Variants in SAMSN1 observed in about 807,000 individuals in gnomAD.
SAMSN1 encodes the protein SAM domain, SH3 domain and nuclear localization signals 1.
In SAMSN1, 31 loss-of-function variants were observed where a neutral mutation model predicts 42.0. The ratio of observed to expected loss-of-function variants is 0.74; its 90% CI spans 0.55 to 1.00. The LOEUF (loss-of-function observed/expected upper bound fraction) is 1.00, where lower values mean the gene tolerates loss of function less well. SAMSN1 is among the 50% of genes least tolerant of loss of function. SAMSN1 has a pLI of 0.00. For missense variants in SAMSN1, 464 were observed against 439.4 expected (o/e 1.06, Z -0.50); for synonymous variants, 178 against 151.9 (o/e 1.17, Z -1.26).
At chr21:14,620,091 G>A (rs774537302) in intron 2 of SAMSN1, among the ~76,000 whole-genome samples, 6 of 152,060 alleles carry the variant, frequency 3.9e-5, no homozygotes, top group East Asian at 1.9e-4. Context: ...TGGAAATTTC[G>A]GTTTCTATGG....
chr21:14,562,628 A>G (rs1197273978), intron 2 of SAMSN1, among the ~76,000 whole-genome samples: 1 of 151,746 alleles, frequency 6.6e-6, no homozygotes, highest in Non-Finnish European at 1.5e-5. Flanking sequence ...ATTCAGTTGA[A>G]AACTCATCAC....
At chr21:14,543,875 A>G (rs954201564) in intron 1 of SAMSN1, among the ~76,000 whole-genome samples, 1 of 152,208 alleles carries the variant, frequency 6.6e-6, no homozygotes, top group Admixed American at 6.5e-5. Context: ...AATATCTGGT[A>G]TGTAGTTAAT....
chr21:14,624,695 G>A (rs1205424682), intron 2 of SAMSN1, among the ~76,000 whole-genome samples: 2 of 152,096 alleles, frequency 1.3e-5, no homozygotes, highest in African/African-American at 4.8e-5. Context: ...TACTAACAGA[G>A]GTAAAAGGAG....
At chr21:14,608,068 ACCCTCAGTAATCAT>A (rs1056689453) in intron 5 of SAMSN1, among the ~76,000 whole-genome samples, 9 of 152,174 alleles carry the variant, frequency 5.9e-5, no homozygotes, top group African/African-American at 2.2e-4. Context: ...GCTGAATAGA[ACCCTCAGTAATCAT>A]CCCTCTCACA....
intron 2 of SAMSN1, among the ~76,000 whole-genome samples, chr21:14,562,291 G>A (rs1568809395): frequency 6.6e-6 from 1 of 152,150 alleles, no homozygotes; most frequent in Non-Finnish European, 1.5e-5. Flanking sequence ...TCTAAAGCTT[G>A]TTGATCACTA....
chr21:14,632,095 G>A (rs1262586959), intron 2 of SAMSN1, among the ~76,000 whole-genome samples: 2 of 152,200 alleles, frequency 1.3e-5, no homozygotes, highest in Non-Finnish European at 2.9e-5. Context: ...GAAACAGCAA[G>A]GTGTGTGCAT....
intron 2 of SAMSN1, among the ~76,000 whole-genome samples, chr21:14,563,983 T>C (rs907766397): frequency 2.0e-5 from 3 of 152,162 alleles, no homozygotes; most frequent in African/African-American, 4.8e-5. Flanking sequence ...AAGTTGGGTA[T>C]ACACACCTAC....
intron 2 of SAMSN1, among the ~76,000 whole-genome samples, chr21:14,577,736 A>C (rs1170832869): frequency 6.6e-6 from 1 of 152,192 alleles, no homozygotes; most frequent in Non-Finnish European, 1.5e-5. Context: ...CTTAAGATGC[A>C]GCTGAAATCC....
chr21:14,631,708 A>G (rs565979523), intron 2 of SAMSN1, among the ~76,000 whole-genome samples: 1 of 152,122 alleles, frequency 6.6e-6, no homozygotes, highest in South Asian at 2.1e-4. Context: ...CCTCCCCCCA[A>G]TTTTGTGCTT....
At chr21:14,571,133 T>C (rs2123219067) in intron 2 of SAMSN1, among the ~76,000 whole-genome samples, 1 of 152,350 alleles carries the variant, frequency 6.6e-6, no homozygotes, top group Non-Finnish European at 1.5e-5. Context: ...TCATAGCTCT[T>C]ATCAAAGCTG....
At chr21:14,619,365 A>G (rs1982940493) in intron 2 of SAMSN1, among the ~76,000 whole-genome samples, 2 of 152,204 alleles carry the variant, frequency 1.3e-5, no homozygotes, top group Non-Finnish European at 2.9e-5. Context: ...GCAATTGATG[A>G]TGTAAATCCC....
chr21:14,656,479 A>G (rs1353066008), intron 1 of SAMSN1, among the ~76,000 whole-genome samples: 1 of 151,808 alleles, frequency 6.6e-6, no homozygotes, highest in African/African-American at 2.4e-5. Context: ...AAGACATGTT[A>G]AATGCAATAA....
At chr21:14,587,152 T>C (rs463397), upstream of SAMSN1, among the ~76,000 whole-genome samples, 129,294 of 152,200 alleles carry the variant, frequency 0.85, 55,258 homozygotes, top group African/African-American at 0.91. Flanking sequence ...AGCATTCAAA[T>C]GTGCTTCATG....
intron 2 of SAMSN1, among the ~76,000 whole-genome samples, chr21:14,624,977 A>G (rs556392578): frequency 1.2e-4 from 18 of 152,168 alleles, no homozygotes; most frequent in African/African-American, 3.9e-4. Flanking sequence ...TTCAACATAC[A>G]TGAGTCAATA....
At chr21:14,610,243 A>G (rs1460138144) in intron 4 of SAMSN1, among the ~76,000 whole-genome samples, 1 of 152,200 alleles carries the variant, frequency 6.6e-6, no homozygotes, top group African/African-American at 2.4e-5. Flanking sequence ...GCCCTGGGAA[A>G]AGAACGCATT....
chr21:14,528,955 T>C (rs752599765), intron 1 of SAMSN1, among the ~76,000 whole-genome samples: 6 of 152,222 alleles, frequency 3.9e-5, no homozygotes, highest in Non-Finnish European at 8.8e-5. Context: ...ACTTCTCCAA[T>C]TCACAGATGA....
intron 7 of SAMSN1, among the ~76,000 whole-genome samples, 180 bp from the exon 8 acceptor site, chr21:14,486,294 A>G (rs1986435108): frequency 6.6e-6 from 1 of 152,208 alleles, no homozygotes; most frequent in Non-Finnish European, 1.5e-5. Flanking sequence ...GCACCCAAAT[A>G]TTCAAGCTAC....
At chr21:14,535,583 ACTGTATTTGGATATAAAG>A (rs1979554367) in intron 1 of SAMSN1, among the ~76,000 whole-genome samples, 1 of 152,166 alleles carries the variant, frequency 6.6e-6, no homozygotes, top group Admixed American at 6.5e-5. Context: ...TCAGACCATG[ACTGTATTTGGATATAAAG>A]CCTTTAAAGA....
chr21:14,622,740 C>A (rs574648185), intron 2 of SAMSN1, among the ~76,000 whole-genome samples: 9 of 152,202 alleles, frequency 5.9e-5, no homozygotes, highest in African/African-American at 2.2e-4. Flanking sequence ...GCAAGGCAGG[C>A]CAACATTCAA....
Sources: gnomAD v4.1 joint callset for allele counts (sites outside exome capture counted in the v4.1 genomes callset) on GRCh38, gnomAD v4.1.1 for gene constraint, MANE v1.5 for transcripts, NCBI Gene and HGNC (gene_info 2026-07-23, HGNC 2026-07-21) for gene names.